Variants in STYXL2 observed in about 807,000 individuals in gnomAD.
STYXL2 encodes the protein serine/threonine/tyrosine interacting like 2.
In STYXL2, 44 loss-of-function variants were observed where a neutral mutation model predicts 52.4. The ratio of observed to expected loss-of-function variants is 0.84; its 90% confidence interval spans 0.66 to 1.08. The LOEUF (loss-of-function observed/expected upper bound fraction) is 1.08, where lower values mean the gene tolerates loss of function less well. Ranked by LOEUF, STYXL2 falls within the 50% of genes least tolerant of loss-of-function variation. The pLI, the probability that STYXL2 is intolerant of heterozygous loss-of-function variation, is 0.00. For missense variants in STYXL2, 1,604 were observed against 1,471.7 expected (o/e 1.09, Z -1.47); for synonymous variants, 604 against 586.9 (o/e 1.03, Z -0.42).
At chr1:167,119,133 A>C (rs1667793285) in intron 4 of STYXL2, 116 bp from the exon 5 acceptor site, 8 of 875,648 alleles carry the variant, frequency 9.1e-6, no homozygotes, top group Non-Finnish European at 1.3e-5. Flanking sequence ...AGGGGCAGAA[A>C]AGGAGGCACT....
chr1:167,106,992 G>A (rs1416147938), intron 2 of STYXL2, among the ~76,000 whole-genome samples: 2 of 152,114 alleles, frequency 1.3e-5, no homozygotes, highest in East Asian at 1.9e-4. Flanking sequence ...TCCCCTTTTT[G>A]TGGGTCAGGA....
Position 167,128,047 on chromosome 1 carries a change from G to A in STYXL2, c.2916G>A (p.Glu972=). The change falls in exon 6 of 6, where the codon GAG becomes GAA. Residue 972 remains glutamate, a synonymous_variant. Transcript: ENST00000361200. ...YTRSSLLRET[E]SKSSSYKFSK... Reference sequence around the variant, plus strand: ...GATCGTCCCTGCTCAGGGAGACAGAGTCTAAATCCTCCAGTTACAAGTTTT... The same window carrying A: ...GATCGTCCCTGCTCAGGGAGACAGAATCTAAATCCTCCAGTTACAAGTTTT... The A allele has an allele frequency of 6.2e-7, 1 of 1,614,222 alleles. No homozygotes were observed.
intron 5 of STYXL2, among the ~76,000 whole-genome samples, chr1:167,122,135 T>C (rs1283750063): frequency 6.6e-6 from 1 of 152,070 alleles, no homozygotes; most frequent in Admixed American, 6.6e-5. Flanking sequence ...GTGGTGACTT[T>C]GTATGGTGCA....
chr1:167,109,569 C>A (rs774830917), intron 2 of STYXL2, among the ~76,000 whole-genome samples: 1 of 152,176 alleles, frequency 6.6e-6, no homozygotes, highest in South Asian at 2.1e-4. Flanking sequence ...ACCCTGCCCC[C>A]ACCTTATGGT....
chr1:167,112,875 T>G (rs999694349), intron 2 of STYXL2, among the ~76,000 whole-genome samples: 5 of 152,154 alleles, frequency 3.3e-5, no homozygotes, highest in Non-Finnish European at 7.4e-5. Context: ...TAGGAAAGAC[T>G]AAGCAGAAAA....
At chr1:167,094,678 G>A (rs1191361595) in intron 1 of STYXL2, among the ~76,000 whole-genome samples, 156 bp from the exon 2 acceptor site, 1 of 152,082 alleles carries the variant, frequency 6.6e-6, no homozygotes, top group Non-Finnish European at 1.5e-5. Context: ...AACAGTGGCT[G>A]GGCCAGGTCT....
At chr1:167,109,799 T>C (rs988404739) in intron 2 of STYXL2, among the ~76,000 whole-genome samples, 4 of 152,190 alleles carry the variant, frequency 2.6e-5, no homozygotes, top group Non-Finnish European at 4.4e-5. Context: ...AAAAGAACAA[T>C]GCTGCTCTAA....
chr1:167,128,345 G>C lies in STYXL2; in HGVS notation c.3214G>C (p.Glu1072Gln). 6.2e-7 allele frequency: 1 copy of C among 1,614,172 alleles called. No individual in the cohort carries two copies. Among genetic ancestry groups the C allele is most frequent in the Non-Finnish European group, 8.5e-7 (1 of 1,180,022 alleles). ...WARSRDWEDVEESSKSDFSEF... is the reference protein window; with the variant it reads ...WARSRDWEDVQESSKSDFSEF... The stretch of plus-strand genomic sequence containing the variant: ...CAGGTCCAGGGACTGGGAAGATGTG[G>C]AAGAGTCATCCAAGTCAGACTTCTC... Residue 1072 changes from glutamate (E) to glutamine (Q), a missense_variant, in exon 6 of 6, where the codon GAA (glutamate) becomes CAA (glutamine). Coordinates refer to ENST00000361200, the MANE Select transcript of STYXL2 (RefSeq NM_001080426.3).
At chr1:167,111,917 A>G (rs532114308) in intron 2 of STYXL2, among the ~76,000 whole-genome samples, 3 of 152,264 alleles carry the variant, frequency 2.0e-5, no homozygotes, top group African/African-American at 7.2e-5. Context: ...GATTAGCAGA[A>G]CAATTATTTT....
intron 5 of STYXL2, among the ~76,000 whole-genome samples, chr1:167,120,962 A>G (rs73031181): frequency 0.024 from 3,669 of 150,124 alleles, 45 homozygotes; most frequent in African/African-American, 0.031. Flanking sequence ...ACATACACAC[A>G]CTCACATATA....
At position 167,117,346 on chromosome 1, in the gene STYXL2, T is replaced by G; in HGVS notation, c.224T>G (p.Val75Gly). 1.2e-6 allele frequency: 2 copies of G among 1,609,464 alleles called. No individual in the cohort carries two copies. Among genetic ancestry groups the G allele is most frequent in the Non-Finnish European group, 8.5e-7 (1 of 1,178,050 alleles). The change falls in exon 4 of 6, where the codon GTC becomes GGC. Residue 75 changes from valine (V) to glycine (G), a missense_variant. Val to Gly is a moderately radical substitution (Grantham distance 109, BLOSUM62 -3). Coordinates refer to ENST00000361200, the MANE Select transcript of STYXL2 (RefSeq NM_001080426.3). ...CCTCTAGAACTCAAGCCACCGGGGG[T>G]CAGAGCAGACGCAGAGTGTCCAGGC... Reference protein sequence around the residue: ...IINEELKPPGVRADAECPGML... With the variant: ...IINEELKPPGGRADAECPGML...
At chr1:167,121,173 C>T (rs550018661) in intron 5 of STYXL2, among the ~76,000 whole-genome samples, 259 of 151,936 alleles carry the variant, frequency 1.7e-3, no homozygotes, top group African/African-American at 6.0e-3. Flanking sequence ...CTACCACGCC[C>T]AGCTAATTTT....
At chr1:167,104,415 T>A (rs1042901423) in intron 2 of STYXL2, among the ~76,000 whole-genome samples, 3 of 152,318 alleles carry the variant, frequency 2.0e-5, no homozygotes, top group East Asian at 1.9e-4. Context: ...ACGGTGACAC[T>A]GTTTCCCTTG....
chr1:167,099,737 T>C (rs762371091), intron 2 of STYXL2, among the ~76,000 whole-genome samples: 2 of 152,206 alleles, frequency 1.3e-5, no homozygotes, highest in South Asian at 2.1e-4. Context: ...GCTAAACATA[T>C]GGTTGTCCTC....
chr1:167,119,450 G>T lies in STYXL2; in HGVS notation c.639G>T (p.Ala213=), dbSNP rs573463190. 1.9e-6 allele frequency: 3 copies of T among 1,613,976 alleles called. No individual in the cohort carries two copies. The highest frequency in any genetic ancestry group is 2.5e-6 in the Non-Finnish European group (3 of 1,180,016). ...FRKASEFLDE[A]LLTYRGKVLV... is the part of the protein sequence containing the mutation. Reference sequence around the variant, plus strand: ...AGGCGTCTGAGTTCCTGGATGAGGCGCTGCTGACTTACAGAGGTGAGAGGG... The same window carrying T: ...AGGCGTCTGAGTTCCTGGATGAGGCTCTGCTGACTTACAGAGGTGAGAGGG... Residue 213 remains alanine, a synonymous_variant, in exon 5 of 6, where the codon GCG becomes GCT. Transcript: ENST00000361200.
Position 167,125,917 on chromosome 1 carries a change from C to T in STYXL2, c.786C>T (p.Tyr262=), listed in dbSNP as rs745448068. The T allele has an allele frequency of 2.5e-6, 4 of 1,613,974 alleles. No individual in the cohort carries two copies. In the African/African-American group the frequency reaches 4.0e-5, roughly 16 times the overall value. The stretch of plus-strand genomic sequence containing the variant: ...CCGTGCGTAAGAAGCGGGCCATCTA[C>T]CCCAATGAGGGCTTCCTGAAGCAGC... The part of the protein sequence containing the change: ...LMTVRKKRAI[Y]PNEGFLKQLR... Residue 262 remains tyrosine, a synonymous_variant, in exon 6 of 6, where the codon TAC becomes TAT. Coordinates refer to ENST00000361200, the MANE Select transcript of STYXL2 (RefSeq NM_001080426.3).
At chr1:167,108,702 A>G (rs1667556752) in intron 2 of STYXL2, among the ~76,000 whole-genome samples, 1 of 152,234 alleles carries the variant, frequency 6.6e-6, no homozygotes, top group Non-Finnish European at 1.5e-5. Context: ...GATGAACAGA[A>G]CAGCATATAG....
At chr1:167,096,640 T>C (rs10918627) in intron 2 of STYXL2, among the ~76,000 whole-genome samples, 48,375 of 151,940 alleles carry the variant, frequency 0.32, 8,053 homozygotes, top group African/African-American at 0.4. Flanking sequence ...GTGAAAATGG[T>C]CACTTCATTT....
chr1:167,123,539 A>T (rs985055766), intron 5 of STYXL2, among the ~76,000 whole-genome samples: 3 of 152,216 alleles, frequency 2.0e-5, no homozygotes, highest in African/African-American at 7.2e-5. Flanking sequence ...GGTCCTTGTA[A>T]GGGACAGCTA....
Sources: gnomAD v4.1 joint callset for allele counts (sites outside exome capture counted in the v4.1 genomes callset) on GRCh38, gnomAD v4.1.1 for gene constraint, MANE v1.5 for transcripts, NCBI Gene and HGNC (gene_info 2026-07-23, HGNC 2026-07-21) for gene names.